The following DLGAP3 variants were observed in gnomAD, a reference collection of about 807,000 sequenced individuals.
DLGAP3 encodes the protein DLG associated protein 3, also known as disks large-associated protein 3.
Under a neutral mutation model 81.2 loss-of-function variants are expected in DLGAP3, and 17 were observed. That is an observed-to-expected ratio of 0.21 (90% CI 0.14 to 0.31). DLGAP3 has a LOEUF of 0.31. Among genes scored for constraint, DLGAP3 ranks in the 10% least tolerant of loss-of-function variants. DLGAP3 has a pLI of 1.00. For missense variants in DLGAP3, 1,124 were observed against 1,388.0 expected, an observed-to-expected ratio of 0.81 and a Z score of 3.02; for synonymous variants, 577 against 587.4, an observed-to-expected ratio of 0.98 and a Z score of 0.26.
intron 8 of DLGAP3, among the ~76,000 whole-genome samples, chr1:34,883,553 C>T (rs1306379501): frequency 6.6e-6 from 1 of 152,188 alleles, no homozygotes; most frequent in Admixed American, 6.5e-5. Context: ...ACTCCTACCC[C>T]ATCTCTCAAT....
chr1:34,867,291 C>T lies in DLGAP3; in HGVS notation c.2578-100G>A. The T allele has an allele frequency of 6.4e-7, 1 of 1,552,158 alleles. No homozygotes were observed. Among genetic ancestry groups the T allele is most frequent in the Non-Finnish European group, 8.9e-7 (1 of 1,128,898 alleles). Reference sequence around the variant, plus strand: ...TATCCACCCTTACTGCCAGGAAGCTCAGCCTGGGAGAGTGGGTGGGGGCTG... The same window carrying T: ...TATCCACCCTTACTGCCAGGAAGCTTAGCCTGGGAGAGTGGGTGGGGGCTG... On this transcript the variant is annotated intron_variant, in intron 10 of 11. Coordinates refer to ENST00000373347, the MANE Select transcript of DLGAP3 (RefSeq NM_001080418.3). The surrounding 1 kb of genome is among the most constrained non-coding windows in gnomAD (Gnocchi z 4.3).
Position 34,902,022 on chromosome 1 carries a change from T to C in DLGAP3, c.1108-1749A>G, listed in dbSNP as rs1639467682. Among the ~76,000 whole-genome samples the C allele has an allele frequency of 6.6e-6, 1 of 152,114 alleles. No homozygotes were observed. Among genetic ancestry groups the C allele is most frequent in the African/African-American group, 2.4e-5 (1 of 41,408 alleles). On this transcript the variant is annotated intron_variant, in intron 3 of 11. Transcript: ENST00000373347. This position sits in a 1 kb window ranked among gnomAD's most constrained non-coding sequence, Gnocchi z 4.4. Reference sequence around the variant, plus strand: ...GGCCTGGGATGGGTGGTCCCAGCTTTTCCTATGAGCCAAGGAAGGGGACGA... The same window carrying C: ...GGCCTGGGATGGGTGGTCCCAGCTTCTCCTATGAGCCAAGGAAGGGGACGA...
In DLGAP3 at chr1:34,895,346, C is replaced by T. The variant is rs975359878; in HGVS notation, c.1386+4323G>A. Among the ~76,000 whole-genome samples, 8 of 145,542 alleles carry T rather than the reference C, an allele frequency of 5.5e-5. No individual in the cohort carries two copies. The East Asian group carries it at 6.0e-4, about 11-fold the overall frequency. ...TCATGCCACTGCACTCCTACCTGGGCGACAGAGCGAGACTGTCTCAAAAAA... is the reference window on the plus strand; with the variant it reads ...TCATGCCACTGCACTCCTACCTGGGTGACAGAGCGAGACTGTCTCAAAAAA... On this transcript the variant is annotated intron_variant, in intron 5 of 11. Coordinates refer to ENST00000373347, the MANE Select transcript of DLGAP3 (RefSeq NM_001080418.3). The surrounding 1 kb of genome is among the most constrained non-coding windows in gnomAD (Gnocchi z 4.5).
chr1:34,926,682 C>CA (rs1184704651), intron 1 of DLGAP3, among the ~76,000 whole-genome samples: 2 of 152,040 alleles, frequency 1.3e-5, no homozygotes, highest in African/African-American at 2.4e-5. Context: ...ACCTCACCCC[C>CA]AAAAAACTAA....
At chr1:34,879,663 T>C (rs1639116320) in intron 8 of DLGAP3, among the ~76,000 whole-genome samples, 2 of 151,842 alleles carry the variant, frequency 1.3e-5, no homozygotes, top group Admixed American at 1.3e-4. Flanking sequence ...CTGTCCCTTG[T>C]CAAAAAAATT....
chr1:34,893,029 G>A (rs901374570), intron 5 of DLGAP3, among the ~76,000 whole-genome samples: 29 of 151,692 alleles, frequency 1.9e-4, no homozygotes, highest in Admixed American at 1.2e-3. Flanking sequence ...AAAATTAGCC[G>A]GGCGCGGTGG....
chr1:34,866,599 T>G (rs986191820), intron 11 of DLGAP3, among the ~76,000 whole-genome samples: 30 of 152,126 alleles, frequency 2.0e-4, no homozygotes, highest in Non-Finnish European at 4.4e-5. Context: ...AGGAGGGAGT[T>G]CCCGACCCAG....
chr1:34,903,914 T>C (rs1377246793), intron 3 of DLGAP3, among the ~76,000 whole-genome samples: 1 of 152,190 alleles, frequency 6.6e-6, no homozygotes, highest in African/African-American at 2.4e-5. Context: ...CGACCTTCAA[T>C]CTTGAGAGCA....
chr1:34,887,920 G>A (rs1639258552), intron 5 of DLGAP3, among the ~76,000 whole-genome samples: 2 of 152,220 alleles, frequency 1.3e-5, no homozygotes, highest in African/African-American at 4.8e-5. Flanking sequence ...CCCTCGGCTA[G>A]CGGCATGCGA....
rs150603784 is a variant in DLGAP3 at position 34,906,016 on chromosome 1, T to TTATATATATATATATATATA, written c.-51-583_-51-582insTATATATATATATATATATA. ...ACAGAGCGAGACCTGGCCTCTAAATTTATATATATATATATATTTGTTTGT... is the reference window on the plus strand; with the variant it reads ...ACAGAGCGAGACCTGGCCTCTAAATTTATATATATATATATATATATATATATATATATATATTTGTTTGT... On this transcript the variant is annotated intron_variant, in intron 2 of 11. Transcript: ENST00000373347. Among the ~76,000 whole-genome samples the TTATATATATATATATATATA allele has an allele frequency of 2.1e-3, 139 of 64,782 alleles. 15 individuals carry two copies. The East Asian group carries it at 0.024, about 11-fold the overall frequency. 42.5% of individuals were successfully genotyped at this position (64,782 alleles called of 152,430 possible).
intron 8 of DLGAP3, among the ~76,000 whole-genome samples, chr1:34,880,162 A>T (rs1569607578): frequency 6.6e-6 from 1 of 151,904 alleles, no homozygotes; most frequent in Admixed American, 6.6e-5. Context: ...CAAGTTATCC[A>T]CCTGCCTCAG....
rs1638920553 is a variant in DLGAP3 at position 34,868,475 on chromosome 1, G to C, written c.2485+130C>G. 5 of 769,252 alleles carry C rather than the reference G, an allele frequency of 6.5e-6. No homozygotes were observed. Among genetic ancestry groups the C allele is most frequent in the Middle Eastern group, 3.0e-4 (1 of 3,384 alleles). 47.7% of individuals were successfully genotyped at this position (769,252 alleles called of 1,614,324 possible). ...TGTTGACCCGCCACGCTCCAGTGCAGAAGACCAGTGAGGCACCAACCGAAG... is the reference window on the plus strand; with the variant it reads ...TGTTGACCCGCCACGCTCCAGTGCACAAGACCAGTGAGGCACCAACCGAAG... On this transcript the variant is annotated intron_variant, in intron 9 of 11. Transcript: ENST00000373347. The surrounding 1 kb of genome is among the most constrained non-coding windows in gnomAD (Gnocchi z 7.5).
rs768193885 is a variant in DLGAP3 at position 34,904,655 on chromosome 1, C to G, written c.729G>C (p.Lys243Asn). Residue 243 changes from lysine to asparagine, a missense_variant, in exon 3 of 12, where the codon AAG becomes AAC. Around this residue, in one of 9 missense-constraint regions of DLGAP3, gnomAD observed 357 missense variants for 408.8 expected, o/e 0.87. Transcript: ENST00000373347. This position sits in a 1 kb window ranked among gnomAD's most constrained non-coding sequence, Gnocchi z 8.1. ...HHQSRHGKRS[K>N]SKDRKGDGRH... ...GCCCATCCCCCTTGCGGTCCTTGCT[C>G]TTGCTCCTCTTGCCGTGCCGGGACT... 1.2e-6 allele frequency: 2 copies of G among 1,614,062 alleles called. No individual in the cohort carries two copies. Among genetic ancestry groups the G allele is most frequent in the East Asian group, 2.2e-5 (1 of 44,878 alleles).
intron 5 of DLGAP3, among the ~76,000 whole-genome samples, chr1:34,890,793 C>T (rs947675103): frequency 6.6e-6 from 1 of 152,188 alleles, no homozygotes; most frequent in Non-Finnish European, 1.5e-5. Context: ...TTGACCCAGT[C>T]GCACCCAGCC....
At chr1:34,870,051 G>A (rs1220250739) in intron 8 of DLGAP3, among the ~76,000 whole-genome samples, 2 of 152,188 alleles carry the variant, frequency 1.3e-5, no homozygotes, top group Admixed American at 1.3e-4. Flanking sequence ...CGATGGCTCA[G>A]CCCAGAGCCT....
At chr1:34,887,090 G>T (rs1001222587) in intron 5 of DLGAP3, among the ~76,000 whole-genome samples, 12 of 151,738 alleles carry the variant, frequency 7.9e-5, no homozygotes, top group African/African-American at 2.9e-4. Context: ...AAGTAGCTGG[G>T]ACTACAGGTG....
chr1:34,891,402 T>C (rs1639310031), intron 5 of DLGAP3, among the ~76,000 whole-genome samples: 3 of 152,236 alleles, frequency 2.0e-5, no homozygotes, highest in South Asian at 4.1e-4. Context: ...GTTTCAGCAA[T>C]GTTTGGGCCA....
rs150603784 is a variant in DLGAP3, at chr1:34,906,016, T to TTATATATATATATA, written c.-51-596_-51-583dup. Among the ~76,000 whole-genome samples, 283 of 64,794 alleles carry TTATATATATATATA rather than the reference T, an allele frequency of 4.4e-3. 45 individuals carry two copies. In the East Asian group the frequency reaches 0.047, roughly 11 times the overall value. 42.5% of individuals were successfully genotyped at this position (64,794 alleles called of 152,430 possible). A position where few individuals can be genotyped will look rare whatever the true frequency, so the allele number is the denominator to read the frequency against. ...ACAGAGCGAGACCTGGCCTCTAAAT[T>TTATATATATATATA]TATATATATATATATATTTGTTTGT... On this transcript the variant is annotated intron_variant, in intron 2 of 11. Transcript: ENST00000373347.
Position 34,900,121 on chromosome 1 carries a change from G to T in DLGAP3, c.1260C>A (p.Val420=). The T allele has an allele frequency of 6.2e-7, 1 of 1,613,994 alleles. No homozygotes were observed. The highest frequency in any genetic ancestry group is 8.5e-7 in the Non-Finnish European group (1 of 1,180,028). The part of the protein sequence containing the change: ...DGSPKTSPKA[V]ARRFTTRRSS... ...AGCGACGGGTGGTGAAGCGTCGGGC[G>T]ACTGCTTTGGGAGATGTCTTGGGGC... Residue 420 remains valine (V), a synonymous_variant, in exon 4 of 12, where the codon GTC becomes GTA. Coordinates refer to ENST00000373347, the MANE Select transcript of DLGAP3 (RefSeq NM_001080418.3). The surrounding 1 kb of genome is among the most constrained non-coding windows in gnomAD (Gnocchi z 5.6).
Sources: gnomAD v4.1 joint callset for allele counts (sites outside exome capture counted in the v4.1 genomes callset) on GRCh38, gnomAD v4.1.1 for gene constraint, gnomAD v4.1.1 regional missense constraint, Gnocchi (gnomAD v3.1) non-coding constraint, MANE v1.5 for transcripts, NCBI Gene and HGNC (gene_info 2026-07-23, HGNC 2026-07-21) for gene names.